HMCN2: variants seen among roughly 807,000 people sequenced by gnomAD.
The protein encoded by HMCN2 is hemicentin 2, also known as hemicentin-2.
HMCN2 carries 325 observed loss-of-function variants against 377.5 expected under a neutral mutation model. The observed-to-expected ratio is 0.86, with a 90% CI of 0.79 to 0.94. HMCN2 has a LOEUF of 0.94. Ranked by LOEUF, HMCN2 falls within the 40% of genes least tolerant of loss-of-function variation. The probability of loss-of-function intolerance (pLI) is 0.00; values close to 1 mark genes in which losing one functional copy is unlikely to be tolerated. For synonymous variants in HMCN2, 2,007 were observed against 2,046.8 expected (o/e 0.98, Z 0.53); for missense variants, 4,543 against 4,725.3 (o/e 0.96, Z 1.13).
At chr9:130,281,101 T>C (rs1227479914) in intron 1 of HMCN2, among the ~76,000 whole-genome samples, 14 of 84,590 alleles carry the variant, frequency 1.7e-4, no homozygotes, top group African/African-American at 1.2e-3. Flanking sequence ...AGACTCTGTC[T>C]GAAAAAAAAA....
At chr9:130,400,112 C>T (rs1182693776) in intron 76 of HMCN2, among the ~76,000 whole-genome samples, 1 of 152,246 alleles carries the variant, frequency 6.6e-6, no homozygotes, top group East Asian at 1.9e-4. Context: ...CACTCTTCCC[C>T]TCACTCAGCA....
chr9:130,327,844 C>T (rs1258779377), intron 22 of HMCN2, among the ~76,000 whole-genome samples: 3 of 152,210 alleles, frequency 2.0e-5, no homozygotes, highest in African/African-American at 7.2e-5. Context: ...GGGACCACGT[C>T]CCCGCCACGA....
At chr9:130,396,410 C>A in intron 73 of HMCN2, 97 bp downstream of exon 73, 1 of 1,040,888 alleles carries the variant, frequency 9.6e-7, no homozygotes, top group Non-Finnish European at 1.3e-6. Context: ...AGAAAAGTGA[C>A]TTTATCATCA....
At chr9:130,348,718 G>C (rs1426656552) in intron 27 of HMCN2, 43 bp downstream of exon 27, 1 of 1,297,688 alleles carries the variant, frequency 7.7e-7, no homozygotes, top group Non-Finnish European at 1.0e-6. Flanking sequence ...GTGGGATTTA[G>C]GCTGGGGACA....
At chr9:130,278,589 T>C (rs1221846320) in intron 1 of HMCN2, among the ~76,000 whole-genome samples, 1 of 152,066 alleles carries the variant, frequency 6.6e-6, no homozygotes, top group African/African-American at 2.4e-5. Flanking sequence ...CTTTTCTTTT[T>C]CTTTTTTTTT....
At position 130,375,935 on chromosome 9, in the gene HMCN2, G is replaced by A. The variant is rs751266330; in HGVS notation, c.7864G>A (p.Val2622Met). The A allele has an allele frequency of 2.2e-4, 216 of 985,848 alleles. No individual in the cohort carries two copies. Among genetic ancestry groups the A allele is most frequent in the Non-Finnish European group, 2.5e-4 (207 of 830,020 alleles). 61.1% of individuals were successfully genotyped at this position (985,848 alleles called of 1,614,324 possible). A position where few individuals can be genotyped will look rare whatever the true frequency, so the allele number is the denominator to read the frequency against. The change falls in exon 51 of 98, where the codon GTG (valine) becomes ATG (methionine). Residue 2622 changes from valine to methionine, a missense_variant. Around this residue, in one of 5 missense-constraint regions of HMCN2, gnomAD observed 736 missense variants for 773.2 expected, o/e 0.95. Transcript: ENST00000683500. ...QKEDAGQYTC[V>M]VTNELGEAVK... is the part of the protein sequence containing the mutation. ...GGAAGATGCTGGCCAGTACACCTGC[G>A]TGGTCACCAATGAGCTCGGGGAGGC...
chr9:130,419,344 C>G lies in HMCN2; in HGVS notation c.13231+303C>G, dbSNP rs577552170. 17 of 268,858 alleles carry G rather than the reference C, an allele frequency of 6.3e-5. No individual in the cohort carries two copies. In the Admixed American group the frequency reaches 8.3e-4, roughly 13 times the overall value. The allele number at this position is 268,858 out of a possible 1,614,324, so 16.7% of individuals were successfully genotyped here. On this transcript the variant is annotated intron_variant, in intron 86 of 97. Coordinates refer to ENST00000683500, the MANE Select transcript of HMCN2 (RefSeq NM_001291815.2). ...GCCCCTGGAAGCAGGCAGAGGAAGA[C>G]AAGGGCATCCCCGGTGCCCTCGGGG... is the stretch of plus-strand genomic sequence containing the variant.
At chr9:130,343,597 C>G (rs1277888348) in intron 25 of HMCN2, among the ~76,000 whole-genome samples, 1 of 151,648 alleles carries the variant, frequency 6.6e-6, no homozygotes, top group Non-Finnish European at 1.5e-5. Flanking sequence ...ATTCTGCTAA[C>G]AGCAAGCAGC....
chr9:130,402,723 G>A, intron 77 of HMCN2, 66 bp from the exon 78 acceptor site: 1 of 1,018,604 alleles, frequency 9.8e-7, no homozygotes. Flanking sequence ...GGTTGTGTAG[G>A]AGCCCTGCCA....
chr9:130,291,395 A>T (rs1372879263), intron 4 of HMCN2, among the ~76,000 whole-genome samples: 5 of 152,152 alleles, frequency 3.3e-5, no homozygotes, highest in African/African-American at 1.2e-4. Context: ...TTTTTAGTAG[A>T]GATGGAGTTT....
intron 22 of HMCN2, among the ~76,000 whole-genome samples, chr9:130,329,074 A>G (rs1838288327): frequency 2.0e-5 from 3 of 152,210 alleles, no homozygotes; most frequent in Non-Finnish European, 4.4e-5. Flanking sequence ...CAGACTGTGC[A>G]GCCATCACCA....
At chr9:130,311,404 C>G (rs1837233350) in intron 15 of HMCN2, among the ~76,000 whole-genome samples, 1 of 152,236 alleles carries the variant, frequency 6.6e-6, no homozygotes, top group Admixed American at 6.5e-5. Flanking sequence ...TTCACTTGTT[C>G]CGTCTTTCAT....
At chr9:130,294,288 A>G (rs552271920) in intron 4 of HMCN2, among the ~76,000 whole-genome samples, 1 of 152,208 alleles carries the variant, frequency 6.6e-6, no homozygotes, top group Non-Finnish European at 1.5e-5. Context: ...AGACTTTAGA[A>G]TGAATAATCA....
In HMCN2 at chr9:130,408,824, G is replaced by A. The variant is rs76174916; in HGVS notation, c.12770G>A (p.Arg4257His). Residue 4257 changes from arginine (R) to histidine (H), a missense_variant, in exon 84 of 98, where the codon CGT (arginine) becomes CAT (histidine). Around this residue, in one of 5 missense-constraint regions of HMCN2, gnomAD observed 1,073 missense variants for 1,319.5 expected, o/e 0.81. Transcript: ENST00000683500. ...AGCATTCAGCTAGACTGTGTGGTGC[G>A]TGGAGACCCAGTGCCGGACATCCAC... is the stretch of plus-strand genomic sequence containing the variant. ...GGSIQLDCVV[R>H]GDPVPDIHWI... 1.5e-3 allele frequency: 1,987 copies of A among 1,289,772 alleles called. 26 individuals are homozygous for A. In the African/African-American group the frequency reaches 0.028, roughly 18 times the overall value. 79.9% of individuals were successfully genotyped at this position (1,289,772 alleles called of 1,614,324 possible).
chr9:130,410,447 G>A (rs1203401165), intron 84 of HMCN2, 124 bp from the exon 85 acceptor site: 2 of 734,624 alleles, frequency 2.7e-6, no homozygotes, highest in Admixed American at 2.2e-5. Context: ...GGGATCAGGT[G>A]CCCCTGGCTG....
intron 22 of HMCN2, among the ~76,000 whole-genome samples, chr9:130,333,717 C>T (rs1216668527): frequency 6.6e-6 from 1 of 152,214 alleles, no homozygotes; most frequent in Non-Finnish European, 1.5e-5. Context: ...AGCCCCCAAA[C>T]CTCCCACTGA....
At chr9:130,415,894 C>T (rs1002009736) in intron 85 of HMCN2, among the ~76,000 whole-genome samples, 3 of 152,146 alleles carry the variant, frequency 2.0e-5, no homozygotes, top group Non-Finnish European at 4.4e-5. Flanking sequence ...ACCAGTTTTG[C>T]CCCTTTTCCT....
chr9:130,330,967 A>AC (rs1588253253), intron 22 of HMCN2, among the ~76,000 whole-genome samples: 9 of 109,766 alleles, frequency 8.2e-5, no homozygotes, highest in Admixed American at 5.1e-4. Context: ...GTCTCTACTG[A>AC]AACACACACA....
In HMCN2 at chr9:130,361,829, T is replaced by G. The variant is rs1335470913; in HGVS notation, c.5951-179T>G. Among the ~76,000 whole-genome samples, 1 of 152,144 alleles carries G rather than the reference T, an allele frequency of 6.6e-6. No homozygotes were observed. The highest frequency in any genetic ancestry group is 1.5e-5 in the Non-Finnish European group (1 of 68,018). On this transcript the variant is annotated intron_variant, in intron 38 of 97. Coordinates refer to ENST00000683500, the MANE Select transcript of HMCN2 (RefSeq NM_001291815.2). The surrounding 1 kb of genome is among the most constrained non-coding windows in gnomAD (Gnocchi z 4.8). ...CATCTATAGAAGCCTCATGGTGGTG[T>G]TGAAAGGATGGAAGTAGCAGCCTTG...
Sources: allele counts gnomAD v4.1 joint callset (sites outside exome capture counted in the v4.1 genomes callset), GRCh38; gene constraint gnomAD v4.1.1; regional missense constraint gnomAD v4.1.1; non-coding constraint Gnocchi (gnomAD v3.1); transcripts MANE v1.5; gene names NCBI Gene and HGNC (gene_info 2026-07-23, HGNC 2026-07-21).